EYS: variants seen among roughly 807,000 people sequenced by gnomAD.
EYS encodes EGF-like photoreceptor maintenance factor, also known as protein eyes shut homolog.
Under a neutral mutation model 282.1 loss-of-function variants are expected in EYS, and 250 were observed. That is an observed-to-expected ratio of 0.89 (90% CI 0.80 to 0.98). The LOEUF (loss-of-function observed/expected upper bound fraction) is 0.98, where lower values mean the gene tolerates loss of function less well. Among genes scored for constraint, EYS ranks in the 50% least tolerant of loss-of-function variants. EYS has a pLI of 0.00. For synonymous variants in EYS, 1,355 were observed against 1,282.9 expected, an observed-to-expected ratio of 1.06 and a Z score of -1.20; for missense variants, 4,016 against 3,709.0, an observed-to-expected ratio of 1.08 and a Z score of -2.15.
chr6:64,438,664 A>G (rs547208829), intron 27 of EYS, among the ~76,000 whole-genome samples: 58 of 151,672 alleles, frequency 3.8e-4, no homozygotes, highest in Middle Eastern at 3.4e-3. Flanking sequence ...AGAAAAAAAG[A>G]CAATGAATGT....
rs545296344 is a variant in EYS at position 65,574,488 on chromosome 6, A to G, written c.-333+65290T>C. ...AACAGGAGTAGCTAGCTATGCGTGT[A>G]TCAGGTAAAATAAACTTTAAGTAAA... On this transcript the variant is annotated intron_variant, in intron 2 of 42. Coordinates refer to ENST00000503581, the MANE Select transcript of EYS (RefSeq NM_001142800.2). 2.6e-5 allele frequency among the ~76,000 whole-genome samples: 4 copies of G among 152,316 alleles called. No individual in the cohort carries two copies. In the South Asian group the frequency reaches 8.3e-4, roughly 32 times the overall value.
intron 31 of EYS, among the ~76,000 whole-genome samples, chr6:64,212,930 T>TA (rs1316836098): frequency 6.6e-6 from 1 of 152,036 alleles, no homozygotes; most frequent in Non-Finnish European, 1.5e-5. Flanking sequence ...TATGTAGCCA[T>TA]AAAAAAGAAT....
chr6:65,535,925 G>T (rs553098790), intron 2 of EYS, among the ~76,000 whole-genome samples: 1 of 152,166 alleles, frequency 6.6e-6, no homozygotes, highest in South Asian at 2.1e-4. Context: ...TAATATACAG[G>T]TGTCTAGCCC....
chr6:64,299,238 C>G (rs1769142223), intron 30 of EYS, among the ~76,000 whole-genome samples: 1 of 152,202 alleles, frequency 6.6e-6, no homozygotes. Context: ...ACTGATCTCT[C>G]TGGGAGAGGG....
At chr6:65,192,166 A>C (rs562393881) in intron 12 of EYS, among the ~76,000 whole-genome samples, 13 of 151,910 alleles carry the variant, frequency 8.6e-5, no homozygotes, top group African/African-American at 3.1e-4. Context: ...ATTTTTACAC[A>C]TAAAGAATTC....
At chr6:65,311,721 A>G (rs1769166289) in intron 11 of EYS, among the ~76,000 whole-genome samples, 1 of 152,242 alleles carries the variant, frequency 6.6e-6, no homozygotes, top group Non-Finnish European at 1.5e-5. Flanking sequence ...CATGTGACCT[A>G]CTAATACAAT....
chr6:65,247,206 C>T (rs116235231), intron 12 of EYS, among the ~76,000 whole-genome samples: 84 of 152,112 alleles, frequency 5.5e-4, no homozygotes, highest in African/African-American at 2.0e-3. Flanking sequence ...CACTCGGGTC[C>T]AACCATATAG....
At chr6:64,039,640 G>A (rs1013034511) in intron 33 of EYS, among the ~76,000 whole-genome samples, 1 of 151,940 alleles carries the variant, frequency 6.6e-6, no homozygotes, top group Middle Eastern at 3.2e-3. Flanking sequence ...TATTTAAATG[G>A]GAATATAAGG....
chr6:64,572,910 A>G (rs573477215), intron 26 of EYS, among the ~76,000 whole-genome samples: 1 of 149,898 alleles, frequency 6.7e-6, no homozygotes, highest in Admixed American at 6.7e-5. Context: ...TTACAAAATT[A>G]GAAAAAAAAC....
At chr6:64,225,411 G>C (rs779824089) in intron 31 of EYS, among the ~76,000 whole-genome samples, 15 of 151,784 alleles carry the variant, frequency 9.9e-5, no homozygotes, top group Admixed American at 2.0e-4. Context: ...CTGACTCTGA[G>C]ATACAGAGAT....
At chr6:65,363,771 G>T (rs1254507843) in intron 8 of EYS, among the ~76,000 whole-genome samples, 1 of 151,556 alleles carries the variant, frequency 6.6e-6, no homozygotes, top group Non-Finnish European at 1.5e-5. Flanking sequence ...TTAAATATAT[G>T]TGTCACATAT....
intron 35 of EYS, among the ~76,000 whole-genome samples, chr6:63,937,256 A>G (rs1307375942): frequency 6.8e-6 from 1 of 147,298 alleles, no homozygotes; most frequent in East Asian, 2.1e-4. Context: ...TGTGGCTGTC[A>G]GCAATATCAA....
chr6:64,166,285 G>A (rs1764289112), intron 31 of EYS, among the ~76,000 whole-genome samples: 1 of 152,044 alleles, frequency 6.6e-6, no homozygotes, highest in South Asian at 2.1e-4. Flanking sequence ...TTCGCTTAAC[G>A]AGTATTCCCA....
In EYS at chr6:65,026,872, G is replaced by A. The variant is rs537222610; in HGVS notation, c.2138-29169C>T. 2.1e-4 allele frequency among the ~76,000 whole-genome samples: 31 copies of A among 149,948 alleles called. 1 individual carries two copies. Among genetic ancestry groups the A allele is most frequent in the Admixed American group, 4.0e-4 (6 of 14,862 alleles). ...GCAGAGGTTGCAGTGAGCCAAGATC[G>A]TGCCATTGCACTCCAGCCTGGGCGA... On this transcript the variant is annotated intron_variant, in intron 13 of 42. Coordinates refer to ENST00000503581, the MANE Select transcript of EYS (RefSeq NM_001142800.2).
At chr6:64,953,121 TA>T (rs1247934431) in intron 14 of EYS, among the ~76,000 whole-genome samples, 1 of 151,884 alleles carries the variant, frequency 6.6e-6, no homozygotes, top group African/African-American at 2.4e-5. Flanking sequence ...AATGAAGGAT[TA>T]AAATCCCCAT....
At chr6:64,111,323 A>G (rs940603787) in intron 31 of EYS, among the ~76,000 whole-genome samples, 8 of 152,014 alleles carry the variant, frequency 5.3e-5, no homozygotes, top group Admixed American at 3.3e-4. Flanking sequence ...AAATACAGAG[A>G]AGGTATTATA....
At chr6:64,631,405 ACTTT>A (rs1489180674) in intron 22 of EYS, 3 of 152,180 alleles carry the variant, frequency 2.0e-5, no homozygotes, top group Non-Finnish European at 4.4e-5. Context: ...TGGCCTAGAT[ACTTT>A]CCCATAATCA....
chr6:64,253,084 G>A (rs1317877592), intron 30 of EYS, among the ~76,000 whole-genome samples: 1 of 152,058 alleles, frequency 6.6e-6, no homozygotes, highest in African/African-American at 2.4e-5. Context: ...TATATGTGAG[G>A]AAGTACTAAA....
At position 64,207,856 on chromosome 6, in the gene EYS, A is replaced by G. The variant is rs9444651; in HGVS notation, c.6424+22736T>C. Among the ~76,000 whole-genome samples, 731 of 152,208 alleles carry G rather than the reference A, an allele frequency of 4.8e-3. 6 individuals are homozygous for G. Among genetic ancestry groups the G allele is most frequent in the African/African-American group, 0.017 (689 of 41,544 alleles). On this transcript the variant is annotated intron_variant, in intron 31 of 42. Transcript: ENST00000503581. ...TATTTTTTAGTAGAGACAGGGTTTC[A>G]CCATATTGGCCAGGCTGGTCTCGAA...
Sources: allele counts gnomAD v4.1 joint callset (sites outside exome capture counted in the v4.1 genomes callset), GRCh38; gene constraint gnomAD v4.1.1; transcripts MANE v1.5; gene names NCBI Gene and HGNC (gene_info 2026-07-23, HGNC 2026-07-21).